PCDH9: variants seen among roughly 807,000 people sequenced by gnomAD.
PCDH9 encodes the protein protocadherin-9.
Under a neutral mutation model 70.6 loss-of-function variants are expected in PCDH9, and 24 were observed. That is an observed-to-expected ratio of 0.34 (90% confidence interval 0.25 to 0.48). The LOEUF (loss-of-function observed/expected upper bound fraction) is 0.48. Among genes scored for constraint, PCDH9 ranks in the 20% least tolerant of loss-of-function variants. The pLI is 0.99. For missense variants in PCDH9, 1,281 were observed against 1,503.6 expected, an observed-to-expected ratio of 0.85 and a Z score of 2.45; for synonymous variants, 562 against 558.5, an observed-to-expected ratio of 1.01 and a Z score of -0.09.
chr13:67,152,685 C>CTTT (rs201213158), intron 2 of PCDH9, among the ~76,000 whole-genome samples: 2 of 151,860 alleles, frequency 1.3e-5, no homozygotes, highest in Non-Finnish European at 2.9e-5. Flanking sequence ...ATAGCCCCCA[C>CTTT]TTTTTTTTCC....
intron 2 of PCDH9, among the ~76,000 whole-genome samples, chr13:67,176,713 C>T (rs1038489030): frequency 6.6e-6 from 1 of 151,858 alleles, no homozygotes; most frequent in African/African-American, 2.4e-5. Flanking sequence ...GTAATTGTAC[C>T]CATCCCAATA....
chr13:66,638,631 A>C (rs1340120084), intron 3 of PCDH9, among the ~76,000 whole-genome samples: 1 of 152,224 alleles, frequency 6.6e-6, no homozygotes, highest in Non-Finnish European at 1.5e-5. Flanking sequence ...GATTGATGAA[A>C]TCAAAACTAG....
At chr13:66,381,004 T>A (rs1956838958) in intron 4 of PCDH9, among the ~76,000 whole-genome samples, 1 of 152,232 alleles carries the variant, frequency 6.6e-6, no homozygotes. Flanking sequence ...AGTGTTTCTA[T>A]CAATGTAAAC....
chr13:67,157,260 T>G (rs1425407545), intron 2 of PCDH9, among the ~76,000 whole-genome samples: 1 of 152,196 alleles, frequency 6.6e-6, no homozygotes, highest in African/African-American at 2.4e-5. Context: ...ATATTTCACG[T>G]AGGTCACTTA....
intron 2 of PCDH9, among the ~76,000 whole-genome samples, chr13:66,937,979 C>G (rs1422803067): frequency 6.6e-6 from 1 of 152,142 alleles, no homozygotes; most frequent in Non-Finnish European, 1.5e-5. Context: ...TTTATCATGC[C>G]TAATGCCTGG....
chr13:66,506,119 G>A lies in PCDH9; in HGVS notation c.3340+125091C>T, dbSNP rs753246336. On this transcript the variant is annotated intron_variant, in intron 4 of 4. Coordinates refer to ENST00000377865, the MANE Select transcript of PCDH9 (RefSeq NM_203487.3). Reference sequence around the variant, plus strand: ...CTCTTTAGACTATGTGATTCTAGAGGAAGGGCATCATGCTTCATTGCCTTC... The same window carrying A: ...CTCTTTAGACTATGTGATTCTAGAGAAAGGGCATCATGCTTCATTGCCTTC... Among the ~76,000 whole-genome samples, 4 of 152,090 alleles carry A rather than the reference G, an allele frequency of 2.6e-5. No homozygotes were observed. In the South Asian group the frequency reaches 8.3e-4, roughly 31 times the overall value.
At chr13:66,521,762 G>T (rs1156541054) in intron 4 of PCDH9, among the ~76,000 whole-genome samples, 2 of 151,994 alleles carry the variant, frequency 1.3e-5, no homozygotes, top group African/African-American at 4.8e-5. Flanking sequence ...CTTGATACAG[G>T]ATACGACAAT....
chr13:66,559,827 T>TAC (rs1373679479), intron 4 of PCDH9, among the ~76,000 whole-genome samples: 1 of 118,074 alleles, frequency 8.5e-6, no homozygotes, highest in African/African-American at 3.3e-5. Context: ...AATATATATA[T>TAC]ATATATACAC....
At chr13:67,179,749 A>C (rs1455912318) in intron 2 of PCDH9, among the ~76,000 whole-genome samples, 2 of 152,078 alleles carry the variant, frequency 1.3e-5, no homozygotes, top group Non-Finnish European at 2.9e-5. Flanking sequence ...TTTGGAGAGA[A>C]ATTATTTAAA....
intron 4 of PCDH9, among the ~76,000 whole-genome samples, chr13:66,480,507 ACT>A: frequency 6.6e-6 from 1 of 152,330 alleles, no homozygotes; most frequent in Non-Finnish European, 1.5e-5. Context: ...ACAGCATCAC[ACT>A]CTACAGAGAA....
At chr13:66,730,346 A>G (rs12869945) in intron 3 of PCDH9, among the ~76,000 whole-genome samples, 15,856 of 152,218 alleles carry the variant, frequency 0.1, 1,191 homozygotes, top group Admixed American at 0.22. Flanking sequence ...TTAATCTTCT[A>G]CTGCATACTG....
chr13:66,329,740 G>A (rs1000664191), intron 4 of PCDH9, among the ~76,000 whole-genome samples: 2 of 152,100 alleles, frequency 1.3e-5, no homozygotes, highest in East Asian at 1.9e-4. Flanking sequence ...CCATGTGTGC[G>A]TTGTGAAGTT....
intron 4 of PCDH9, among the ~76,000 whole-genome samples, chr13:66,502,139 G>A (rs527407681): frequency 6.6e-6 from 1 of 152,194 alleles, no homozygotes; most frequent in South Asian, 2.1e-4. Flanking sequence ...TATGCCTAGT[G>A]GCTACATTGG....
intron 3 of PCDH9, among the ~76,000 whole-genome samples, chr13:66,709,737 ATAATT>A (rs1194218707): frequency 2.0e-5 from 3 of 152,176 alleles, no homozygotes; most frequent in Non-Finnish European, 4.4e-5. Flanking sequence ...TTGGCAATGA[ATAATT>A]TAATTTATCT....
At position 66,402,242 on chromosome 13, in the gene PCDH9, C is replaced by T. The variant is rs192917340; in HGVS notation, c.3341-97214G>A. On this transcript the variant is annotated intron_variant, in intron 4 of 4. Transcript: ENST00000377865. Reference sequence around the variant, plus strand: ...CAGAGTAGAAGGGAAAACATCATTCCTTGCTGACATCATTAACTTGCCATT... The same window carrying T: ...CAGAGTAGAAGGGAAAACATCATTCTTTGCTGACATCATTAACTTGCCATT... Among the ~76,000 whole-genome samples the T allele has an allele frequency of 4.6e-5, 7 of 152,172 alleles. No individual in the cohort carries two copies. In the East Asian group the frequency reaches 1.2e-3, roughly 25 times the overall value.
intron 4 of PCDH9, among the ~76,000 whole-genome samples, chr13:66,402,912 T>C (rs1414543355): frequency 6.6e-6 from 1 of 152,162 alleles, no homozygotes; most frequent in Non-Finnish European, 1.5e-5. Context: ...TATCAAAAGG[T>C]GATGGCAGTT....
intron 4 of PCDH9, among the ~76,000 whole-genome samples, chr13:66,582,741 T>C (rs1003502416): frequency 6.6e-6 from 1 of 152,218 alleles, no homozygotes; most frequent in African/African-American, 2.4e-5. Context: ...ATGAAAGATA[T>C]CCTTGTGTGA....
chr13:66,302,871 T>C lies in PCDH9; in HGVS notation c.*1784A>G, dbSNP rs532782693. The C allele has an allele frequency of 5.9e-5, 9 of 152,652 alleles. No individual in the cohort carries two copies. Among genetic ancestry groups the C allele is most frequent in the African/African-American group, 1.9e-4 (8 of 41,570 alleles). The allele number at this position is 152,652 out of a possible 1,614,324, so 9.5% of individuals were successfully genotyped here. ...AACATTTATTGCAAGAGCTGAATAA[T>C]TGTAAATAACGTAGAACTGGCAAAG... is the stretch of plus-strand genomic sequence containing the variant. On this transcript the variant is annotated 3_prime_UTR_variant, in exon 5 of 5. Transcript: ENST00000377865.
At chr13:66,849,545 G>GAT in intron 3 of PCDH9, among the ~76,000 whole-genome samples, 1 of 148,498 alleles carries the variant, frequency 6.7e-6, no homozygotes, top group African/African-American at 2.5e-5. Context: ...GAGAGAGAGA[G>GAT]ATTGCAAATC....
Sources: allele counts gnomAD v4.1 joint callset (sites outside exome capture counted in the v4.1 genomes callset), GRCh38; gene constraint gnomAD v4.1.1; transcripts MANE v1.5; gene names NCBI Gene and HGNC (gene_info 2026-07-23, HGNC 2026-07-21).